ST6GALNAC5: variants seen among roughly 807,000 people sequenced by gnomAD.
The protein encoded by ST6GALNAC5 is alpha-N-acetylgalactosaminide alpha-2,6-sialyltransferase 5.
In ST6GALNAC5, 27 loss-of-function variants were observed where a neutral mutation model predicts 33.6. The observed-to-expected ratio is 0.80, with a 90% CI of 0.59 to 1.11. The LOEUF (loss-of-function observed/expected upper bound fraction) is 1.11, where lower values mean the gene tolerates loss of function less well. ST6GALNAC5 is among the 50% of genes least tolerant of loss of function. ST6GALNAC5 has a pLI of 0.00. For synonymous variants in ST6GALNAC5, 194 were observed against 171.2 expected, an observed-to-expected ratio of 1.13 and a Z score of -1.04; for missense variants, 428 against 454.0, an observed-to-expected ratio of 0.94 and a Z score of 0.52.
intron 2 of ST6GALNAC5, among the ~76,000 whole-genome samples, chr1:77,037,233 C>A (rs1285421374): frequency 2.0e-5 from 3 of 152,162 alleles, no homozygotes; most frequent in Non-Finnish European, 1.5e-5. Context: ...AAAATGAAAT[C>A]ATGTCCTTTG....
At chr1:76,977,340 T>C (rs1649051186) in intron 2 of ST6GALNAC5, among the ~76,000 whole-genome samples, 1 of 152,190 alleles carries the variant, frequency 6.6e-6, no homozygotes, top group Non-Finnish European at 1.5e-5. Context: ...TCTTCTCTTT[T>C]TGCTGTCTTG....
At chr1:76,991,411 G>A (rs943672224) in intron 2 of ST6GALNAC5, among the ~76,000 whole-genome samples, 4 of 152,166 alleles carry the variant, frequency 2.6e-5, no homozygotes, top group African/African-American at 9.7e-5. Context: ...GCCTGGATTT[G>A]AATGCTAAGG....
chr1:76,916,701 T>TA (rs910608063), intron 2 of ST6GALNAC5, among the ~76,000 whole-genome samples: 17 of 150,746 alleles, frequency 1.1e-4, no homozygotes, highest in South Asian at 4.2e-4. Flanking sequence ...ATAAGCCTTT[T>TA]AAAAAAAAAC....
chr1:77,047,448 T>G (rs990748747), intron 3 of ST6GALNAC5, among the ~76,000 whole-genome samples: 13 of 152,238 alleles, frequency 8.5e-5, no homozygotes, highest in African/African-American at 3.1e-4. Flanking sequence ...CTTGCAGATC[T>G]CATGATCAGG....
chr1:77,062,929 AAAAAATTTTT>A, intron 4 of ST6GALNAC5, 36 bp from the exon 5 acceptor site: 1 of 1,541,708 alleles, frequency 6.5e-7, no homozygotes, highest in Non-Finnish European at 8.9e-7. Context: ...GTCAAAGGAA[AAAAAATTTTT>A]TTGCTTTAAT....
intron 2 of ST6GALNAC5, among the ~76,000 whole-genome samples, chr1:77,008,873 C>T (rs917117249): frequency 1.3e-5 from 2 of 152,156 alleles, no homozygotes; most frequent in Non-Finnish European, 2.9e-5. Flanking sequence ...TCTACAGTTA[C>T]ATCACCACAA....
chr1:76,952,210 A>G (rs1042637612), intron 2 of ST6GALNAC5, among the ~76,000 whole-genome samples: 1 of 152,044 alleles, frequency 6.6e-6, no homozygotes, highest in African/African-American at 2.4e-5. Flanking sequence ...GCTGGTTTCC[A>G]GCTCCCAATG....
At chr1:76,916,219 A>G (rs1256507074) in intron 2 of ST6GALNAC5, among the ~76,000 whole-genome samples, 9 of 152,182 alleles carry the variant, frequency 5.9e-5, no homozygotes, top group Non-Finnish European at 1.3e-4. Flanking sequence ...GGTACGGATG[A>G]CACAACTGGG....
chr1:77,056,684 C>T (rs1553176845), intron 4 of ST6GALNAC5, among the ~76,000 whole-genome samples: 1 of 152,150 alleles, frequency 6.6e-6, no homozygotes, highest in Admixed American at 6.5e-5. Context: ...TGTGGAATGG[C>T]AATGCCGCCC....
intron 2 of ST6GALNAC5, among the ~76,000 whole-genome samples, chr1:76,929,305 C>T (rs1408331751): frequency 6.6e-6 from 1 of 152,086 alleles, no homozygotes; most frequent in Non-Finnish European, 1.5e-5. Flanking sequence ...TTTTGAGAGG[C>T]CGAGGCAGGA....
At chr1:77,039,588 G>A (rs997610162) in intron 2 of ST6GALNAC5, among the ~76,000 whole-genome samples, 1 of 152,188 alleles carries the variant, frequency 6.6e-6, no homozygotes, top group Non-Finnish European at 1.5e-5. Context: ...GATAAGGCAG[G>A]GGGTTGGGTT....
intron 2 of ST6GALNAC5, among the ~76,000 whole-genome samples, chr1:76,964,023 T>C (rs185763249): frequency 6.6e-5 from 10 of 152,276 alleles, no homozygotes; most frequent in Admixed American, 3.3e-4. Context: ...GTGTGGTCTC[T>C]AGAAACTAAA....
intron 2 of ST6GALNAC5, among the ~76,000 whole-genome samples, chr1:76,989,793 C>T (rs541348107): frequency 1.3e-5 from 2 of 151,886 alleles, no homozygotes; most frequent in African/African-American, 2.4e-5. Flanking sequence ...CATTATAGTC[C>T]CATTAGGGTA....
intron 2 of ST6GALNAC5, among the ~76,000 whole-genome samples, chr1:76,892,228 A>T (rs905020989): frequency 1.3e-5 from 2 of 152,252 alleles, no homozygotes; most frequent in African/African-American, 4.8e-5. Context: ...GTTACTATGG[A>T]CAGAAAAAAA....
At position 77,063,520 on chromosome 1, in the gene ST6GALNAC5, T is replaced by G. The variant is rs1426240967; in HGVS notation, c.*314T>G. ...TAGTATTGCCTTTGAAACTGCAACA[T>G]AAGCAACTCAACAATATTAGTTGCA... On this transcript the variant is annotated 3_prime_UTR_variant, in exon 5 of 5. Transcript: ENST00000477717. The G allele has an allele frequency of 5.0e-5, 17 of 342,380 alleles. No individual in the cohort carries two copies. The allele number at this position is 342,380 out of a possible 1,614,324, so 21.2% of individuals were successfully genotyped here.
intron 4 of ST6GALNAC5, among the ~76,000 whole-genome samples, chr1:77,060,400 G>T (rs911561452): frequency 6.6e-6 from 1 of 152,164 alleles, no homozygotes; most frequent in Non-Finnish European, 1.5e-5. Context: ...AGAAAGTCAG[G>T]TTTGAGAAAA....
chr1:77,055,007 A>G (rs1428611322), intron 4 of ST6GALNAC5, among the ~76,000 whole-genome samples: 1 of 152,086 alleles, frequency 6.6e-6, no homozygotes, highest in Non-Finnish European at 1.5e-5. Flanking sequence ...GGCATGCAGC[A>G]TCTTTCATTT....
chr1:77,048,333 A>C (rs1570136496), intron 3 of ST6GALNAC5, among the ~76,000 whole-genome samples: 2 of 152,162 alleles, frequency 1.3e-5, no homozygotes, highest in African/African-American at 4.8e-5. Context: ...GCTGTAAGTG[A>C]GCTGTCATCC....
chr1:76,903,468 G>C (rs1313794415), intron 2 of ST6GALNAC5, among the ~76,000 whole-genome samples: 3 of 152,140 alleles, frequency 2.0e-5, no homozygotes, highest in Non-Finnish European at 4.4e-5. Flanking sequence ...TTTGGAAAAT[G>C]GACTGGCAGT....
Sources: gnomAD v4.1 joint callset for allele counts (sites outside exome capture counted in the v4.1 genomes callset) on GRCh38, gnomAD v4.1.1 for gene constraint, MANE v1.5 for transcripts, NCBI Gene and HGNC (gene_info 2026-07-23, HGNC 2026-07-21) for gene names.